The following ICE2 variants were observed in gnomAD, a reference collection of about 807,000 sequenced individuals.
ICE2 encodes the protein interactor of little elongation complex ELL subunit 2.
In ICE2, 87 loss-of-function variants were observed where a neutral mutation model predicts 105.4. The observed-to-expected ratio is 0.83, with a 90% confidence interval of 0.69 to 0.99. The LOEUF is 0.99. Ranked by LOEUF, ICE2 falls within the 50% of genes least tolerant of loss-of-function variation. ICE2 has a pLI of 0.00. For missense variants in ICE2, 1,323 were observed against 1,146.7 expected (o/e 1.15, Z -2.22); for synonymous variants, 399 against 392.0 (o/e 1.02, Z -0.21).
At chr15:60,473,825 A>T (rs1223984724) in intron 3 of ICE2, among the ~76,000 whole-genome samples, 1 of 152,236 alleles carries the variant, frequency 6.6e-6, no homozygotes, top group Non-Finnish European at 1.5e-5. Context: ...TATATCTGAC[A>T]TTAGCACAGA....
chr15:60,446,349 G>A (rs1052297414), intron 11 of ICE2, among the ~76,000 whole-genome samples: 6 of 152,156 alleles, frequency 3.9e-5, no homozygotes, highest in African/African-American at 1.4e-4. Context: ...TATCATAGTA[G>A]TCAAACCCTC....
intron 3 of ICE2, among the ~76,000 whole-genome samples, chr15:60,474,261 G>A (rs1301699180): frequency 6.6e-6 from 1 of 151,674 alleles, no homozygotes; most frequent in Non-Finnish European, 1.5e-5. Flanking sequence ...TCATTTGATG[G>A]AATCAAAAAA....
intron 9 of ICE2, among the ~76,000 whole-genome samples, chr15:60,450,282 T>A (rs1033817310): frequency 6.6e-6 from 1 of 152,194 alleles, no homozygotes. Flanking sequence ...TGCTTTTTAA[T>A]GCGTCCAGAG....
Position 60,449,548 on chromosome 15 carries a change from A to C in ICE2, c.1419T>G (p.Gly473=). The C allele has an allele frequency of 6.2e-7, 1 of 1,614,116 alleles. No homozygotes were observed. Among genetic ancestry groups the C allele is most frequent in the Non-Finnish European group, 8.5e-7 (1 of 1,179,992 alleles). The change falls in exon 10 of 16, where the codon GGT becomes GGG. Residue 473 remains glycine (G), a synonymous_variant. Coordinates refer to ENST00000261520, the MANE Select transcript of ICE2 (RefSeq NM_024611.6). ...TGCATTCCTCAGGGCCACCATCCAT[A>C]CCAGTGACCAGCTGTTTCTCCTTTT... The part of the protein sequence containing the change: ...QLQKEKQLVT[G]MDGGPEECKN...
chr15:60,454,823 T>G, intron 8 of ICE2, 180 bp downstream of exon 8: 1 of 485,094 alleles, frequency 2.1e-6, no homozygotes, highest in East Asian at 3.4e-5. Context: ...CCTGCACGAA[T>G]TAGGTATTTG....
chr15:60,427,916 T>C (rs563847323), intron 15 of ICE2, among the ~76,000 whole-genome samples: 1 of 152,320 alleles, frequency 6.6e-6, no homozygotes, highest in African/African-American at 2.4e-5. Flanking sequence ...ACATAATACC[T>C]AGAAAGACAC....
chr15:60,424,564 T>A (rs868477461), intron 15 of ICE2, among the ~76,000 whole-genome samples: 1 of 152,104 alleles, frequency 6.6e-6, no homozygotes, highest in Admixed American at 6.5e-5. Context: ...TGGAGGACAG[T>A]TGGCGCGATC....
intron 1 of ICE2, 48 bp downstream of exon 1, chr15:60,478,955 A>G (rs2064853276): frequency 2.2e-6 from 1 of 455,634 alleles, no homozygotes; most frequent in Non-Finnish European, 4.4e-6. Flanking sequence ...CTGGCCCGGC[A>G]GCGCCCTCCC....
chr15:60,430,867 A>G (rs1318868232), intron 14 of ICE2, among the ~76,000 whole-genome samples: 1 of 152,152 alleles, frequency 6.6e-6, no homozygotes, highest in African/African-American at 2.4e-5. Flanking sequence ...ATGACTGTTC[A>G]TTTAGCTCTA....
rs751468413 is a variant in ICE2, at chr15:60,449,663, G to C, written c.1304C>G (p.Pro435Arg). Residue 435 changes from proline to arginine, a missense_variant, in exon 10 of 16, where the codon CCC (proline) becomes CGC (arginine). Physicochemically the swap from Pro to Arg is moderately radical, Grantham distance 103 (BLOSUM62 -2). Coordinates refer to ENST00000261520, the MANE Select transcript of ICE2 (RefSeq NM_024611.6). ...VPNMTDAPTA[P>R]KAGTTTVAPS... ...TGCCACAGTTGTAGTTCCTGCTTTG[G>C]GGGCTGTAGGAGCATCTGTCATGTT... 3.7e-6 allele frequency: 6 copies of C among 1,614,034 alleles called. No homozygotes were observed. In the South Asian group the frequency reaches 4.4e-5, roughly 12 times the overall value.
rs1595838521 is a variant in ICE2 at position 60,479,120 on chromosome 15, C to G, written c.-210G>C. Reference sequence around the variant, plus strand: ...ACCATATTTAAAGGATGTGGCCGCGCCGACTCGGCCCTGCGTGATGACGTC... The same window carrying G: ...ACCATATTTAAAGGATGTGGCCGCGGCGACTCGGCCCTGCGTGATGACGTC... On this transcript the variant is annotated 5_prime_UTR_variant, in exon 1 of 16. Coordinates refer to ENST00000261520, the MANE Select transcript of ICE2 (RefSeq NM_024611.6). 2.4e-6 allele frequency: 1 copy of G among 420,500 alleles called. No homozygotes were observed. The highest frequency in any genetic ancestry group is 4.9e-6 in the Non-Finnish European group (1 of 202,146). The allele number at this position is 420,500 out of a possible 1,614,324, so 26.0% of individuals were successfully genotyped here. A position where few individuals can be genotyped will look rare whatever the true frequency, so the allele number is the denominator to read the frequency against.
In ICE2 at chr15:60,454,319, GACTT is replaced by G. The variant is rs1480023753; in HGVS notation, c.944-539_944-536del. Among the ~76,000 whole-genome samples the G allele has an allele frequency of 5.9e-5, 9 of 152,084 alleles. No homozygotes were observed. The South Asian group carries it at 1.0e-3, about 18-fold the overall frequency. On this transcript the variant is annotated intron_variant, in intron 8 of 15. Coordinates refer to ENST00000261520, the MANE Select transcript of ICE2 (RefSeq NM_024611.6). ...GACTACCCTATTGCTTATATGTATA[GACTT>G]ACTGTTATTCCAAATTCCAGTAACG...
chr15:60,477,978 C>G lies in ICE2; in HGVS notation c.-1G>C. ...CACTTATGACCATCTTGGAGCTCAT[C>G]TTCCTAGATTTCTGCTTCACTCTAG... On this transcript the variant is annotated 5_prime_UTR_variant, in exon 2 of 16. Transcript: ENST00000261520. The G allele has an allele frequency of 6.2e-7, 1 of 1,613,998 alleles. No homozygotes were observed. Among genetic ancestry groups the G allele is most frequent in the Non-Finnish European group, 8.5e-7 (1 of 1,179,866 alleles).
At chr15:60,456,589 A>ACACACC (rs2064130448) in intron 6 of ICE2, 68 bp downstream of exon 6, 2 of 387,082 alleles carry the variant, frequency 5.2e-6, no homozygotes, top group Admixed American at 4.1e-5. Flanking sequence ...ATATATACAC[A>ACACACC]CACACACACA....
chr15:60,454,102 C>T (rs2141082987), intron 8 of ICE2, among the ~76,000 whole-genome samples: 1 of 152,194 alleles, frequency 6.6e-6, no homozygotes, highest in Admixed American at 6.5e-5. Context: ...GAAATATTTA[C>T]CACATAGAAT....
chr15:60,435,200 G>A (rs1484055751), intron 13 of ICE2, among the ~76,000 whole-genome samples: 1 of 152,130 alleles, frequency 6.6e-6, no homozygotes, highest in Non-Finnish European at 1.5e-5. Context: ...AGAATGGCAT[G>A]AACCCGGGAG....
intron 5 of ICE2, among the ~76,000 whole-genome samples, chr15:60,462,732 T>C (rs935893340): frequency 9.2e-5 from 14 of 152,028 alleles, no homozygotes; most frequent in African/African-American, 2.7e-4. Flanking sequence ...TCGCTCTCCC[T>C]CTCTCTCTCC....
At chr15:60,435,189 G>A (rs990075762) in intron 13 of ICE2, among the ~76,000 whole-genome samples, 4 of 152,168 alleles carry the variant, frequency 2.6e-5, no homozygotes, top group African/African-American at 9.7e-5. Flanking sequence ...GCTGAGGCAG[G>A]AGAATGGCAT....
At chr15:60,453,157 G>A (rs780261311) in intron 9 of ICE2, 24 of 795,914 alleles carry the variant, frequency 3.0e-5, no homozygotes, top group Admixed American at 6.1e-5. Flanking sequence ...ACTTGAACCC[G>A]GGAGGCGGAG....
Sources: allele counts gnomAD v4.1 joint callset (sites outside exome capture counted in the v4.1 genomes callset), GRCh38; gene constraint gnomAD v4.1.1; transcripts MANE v1.5; gene names NCBI Gene and HGNC (gene_info 2026-07-23, HGNC 2026-07-21).